Variants in SAMD3 observed in about 807,000 individuals in gnomAD.
SAMD3 encodes sterile alpha motif domain-containing protein 3.
In SAMD3, 63 loss-of-function variants were observed where a neutral mutation model predicts 58.5. The ratio of observed to expected loss-of-function variants is 1.08; its 90% confidence interval spans 0.88 to 1.33. The LOEUF (loss-of-function observed/expected upper bound fraction) is 1.33, where lower values mean the gene tolerates loss of function less well. SAMD3 is among the 40% of genes most tolerant of loss of function. The pLI is 0.00. For synonymous variants in SAMD3, 220 were observed against 210.3 expected, an observed-to-expected ratio of 1.05 and a Z score of -0.40; for missense variants, 604 against 608.4, an observed-to-expected ratio of 0.99 and a Z score of 0.08.
chr6:130,318,867 TGTTA>T (rs1776485333), intron 1 of SAMD3, among the ~76,000 whole-genome samples: 1 of 152,230 alleles, frequency 6.6e-6, no homozygotes, highest in Admixed American at 6.5e-5. Flanking sequence ...TTGATAAGGT[TGTTA>T]GTTCTGTTAT....
chr6:130,162,622 T>C (rs1790374845), intron 8 of SAMD3, among the ~76,000 whole-genome samples: 1 of 152,030 alleles, frequency 6.6e-6, no homozygotes, highest in Non-Finnish European at 1.5e-5. Context: ...GTTACAGGCA[T>C]GAGTCACTGC....
In SAMD3 at chr6:130,307,992, C is replaced by A. The variant is rs142972589; in HGVS notation, c.-188+4986G>T. Among the ~76,000 whole-genome samples, 248 of 152,230 alleles carry A rather than the reference C, an allele frequency of 1.6e-3. 1 individual carries two copies. Among genetic ancestry groups the A allele is most frequent in the African/African-American group, 5.7e-3 (238 of 41,542 alleles). ...TTTCATCTCACAGGTAGTCTGAGGG[C>A]CTCCCATCAAATATTTTAAACTTAA... is the stretch of plus-strand genomic sequence containing the variant. On this transcript the variant is annotated intron_variant, in intron 2 of 13. Coordinates refer to the SAMD3 transcript ENST00000368134.
chr6:130,193,784 T>A (rs1178148310), intron 5 of SAMD3, among the ~76,000 whole-genome samples: 3 of 152,164 alleles, frequency 2.0e-5, no homozygotes, highest in Non-Finnish European at 2.9e-5. Flanking sequence ...TCCTGCAAGA[T>A]CTAAATAATT....
At chr6:130,254,267 C>T (rs1478947692) in intron 2 of SAMD3, among the ~76,000 whole-genome samples, 1 of 151,786 alleles carries the variant, frequency 6.6e-6, no homozygotes, top group African/African-American at 2.4e-5. Context: ...GATCTCAGCT[C>T]ACTGCAAGCT....
chr6:130,239,677 G>A (rs538663931), intron 2 of SAMD3, among the ~76,000 whole-genome samples: 22 of 152,052 alleles, frequency 1.4e-4, no homozygotes, highest in Non-Finnish European at 2.9e-4. Context: ...CAGTAAGTGA[G>A]ACCAAAAAAT....
intron 3 of SAMD3, among the ~76,000 whole-genome samples, chr6:130,214,841 G>A (rs759474147): frequency 1.3e-5 from 2 of 152,118 alleles, no homozygotes; most frequent in Non-Finnish European, 2.9e-5. Flanking sequence ...ATTATTCTTC[G>A]TAATAGCTCC....
intron 1 of SAMD3, among the ~76,000 whole-genome samples, chr6:130,347,728 GC>G (rs1562534086): frequency 6.6e-6 from 1 of 152,074 alleles, no homozygotes; most frequent in Non-Finnish European, 1.5e-5. Flanking sequence ...TACAGAGAAT[GC>G]CACAAAGATA....
chr6:130,249,518 G>A (rs1027250106), intron 2 of SAMD3, among the ~76,000 whole-genome samples: 4 of 152,052 alleles, frequency 2.6e-5, no homozygotes, highest in African/African-American at 9.7e-5. Flanking sequence ...TTGTATACAT[G>A]TATTTATCAA....
intron 2 of SAMD3, among the ~76,000 whole-genome samples, chr6:130,254,593 T>C (rs758645972): frequency 1.3e-5 from 2 of 152,096 alleles, no homozygotes; most frequent in Non-Finnish European, 2.9e-5. Flanking sequence ...CCTCCCCAAG[T>C]GCTGGGATTA....
At chr6:130,327,954 T>C (rs554538877) in intron 1 of SAMD3, among the ~76,000 whole-genome samples, 1 of 152,294 alleles carries the variant, frequency 6.6e-6, no homozygotes, top group Non-Finnish European at 1.5e-5. Flanking sequence ...CAAGCATTGT[T>C]TATCTCCAGA....
intron 5 of SAMD3, among the ~76,000 whole-genome samples, chr6:130,206,778 C>T (rs114428951): frequency 0.017 from 2,588 of 152,186 alleles, 32 homozygotes; most frequent in Middle Eastern, 0.027. Context: ...CTTAGCCAGT[C>T]CTATTTTTCT....
chr6:130,165,602 C>T (rs1582766984), intron 8 of SAMD3, among the ~76,000 whole-genome samples: 1 of 152,092 alleles, frequency 6.6e-6, no homozygotes, highest in African/African-American at 2.4e-5. Flanking sequence ...AAGAGCTAGA[C>T]ACCTATACAG....
chr6:130,354,639 C>G (rs1777773389), intron 1 of SAMD3, among the ~76,000 whole-genome samples: 1 of 151,948 alleles, frequency 6.6e-6, no homozygotes, highest in Non-Finnish European at 1.5e-5. Flanking sequence ...ACAACAGACA[C>G]TGGGGCCTAT....
intron 8 of SAMD3, among the ~76,000 whole-genome samples, chr6:130,168,450 A>G (rs2114641375): frequency 6.6e-6 from 1 of 152,224 alleles, no homozygotes; most frequent in African/African-American, 2.4e-5. Context: ...ACAAAAAACA[A>G]ACAAACAAAA....
At chr6:130,284,307 G>C (rs1775085028) in intron 2 of SAMD3, among the ~76,000 whole-genome samples, 1 of 152,068 alleles carries the variant, frequency 6.6e-6, no homozygotes, top group Non-Finnish European at 1.5e-5. Flanking sequence ...TTCAATTTTA[G>C]TTCCTGTTTA....
intron 1 of SAMD3, among the ~76,000 whole-genome samples, chr6:130,347,515 G>C (rs117481946): frequency 0.018 from 2,787 of 152,206 alleles, 24 homozygotes; most frequent in Non-Finnish European, 0.027. Context: ...AGTGAGAAGA[G>C]AAGACTAGAG....
At chr6:130,225,164 T>C (rs74619476), upstream of SAMD3, among the ~76,000 whole-genome samples, 6,572 of 152,186 alleles carry the variant, frequency 0.043, 460 homozygotes, top group African/African-American at 0.15. Flanking sequence ...ATAATGTTAC[T>C]GAAACACCAG....
intron 2 of SAMD3, among the ~76,000 whole-genome samples, chr6:130,235,771 G>A (rs1773128555): frequency 6.6e-6 from 1 of 152,158 alleles, no homozygotes; most frequent in East Asian, 1.9e-4. Flanking sequence ...ATGTAGTAGA[G>A]GCTAATTTTT....
At chr6:130,354,015 C>A (rs541237685) in intron 1 of SAMD3, among the ~76,000 whole-genome samples, 45 of 152,198 alleles carry the variant, frequency 3.0e-4, no homozygotes, top group Middle Eastern at 3.4e-3. Flanking sequence ...GGGCAAAGGA[C>A]ATGAACAGAA....
Sources: allele counts gnomAD v4.1 joint callset (sites outside exome capture counted in the v4.1 genomes callset), GRCh38; gene constraint gnomAD v4.1.1; transcripts MANE v1.5; gene names NCBI Gene and HGNC (gene_info 2026-07-23, HGNC 2026-07-21).